The following AMPH variants were observed in gnomAD, a reference collection of about 807,000 sequenced individuals.
The protein encoded by AMPH is amphiphysin, also known as amphiphysin (Stiff-Mann syndrome with breast cancer 128kD autoantigen).
In AMPH, 49 loss-of-function variants were observed where a neutral mutation model predicts 99.1. That is an observed-to-expected ratio of 0.49 (90% CI 0.39 to 0.63). The LOEUF is 0.63. Ranked by LOEUF, AMPH falls within the 20% of genes least tolerant of loss-of-function variation. AMPH has a pLI of 0.00. For missense variants in AMPH, 759 were observed against 863.4 expected, an observed-to-expected ratio of 0.88 and a Z score of 1.52; for synonymous variants, 314 against 317.3, an observed-to-expected ratio of 0.99 and a Z score of 0.11.
chr7:38,573,321 A>G (rs1323869808), intron 1 of AMPH, among the ~76,000 whole-genome samples: 1 of 151,970 alleles, frequency 6.6e-6, no homozygotes, highest in African/African-American at 2.4e-5. Context: ...CTTTTGTATT[A>G]TTGTAAACTG....
At chr7:38,451,371 T>TATATACACAC (rs1787020191) in intron 11 of AMPH, among the ~76,000 whole-genome samples, 1 of 150,014 alleles carries the variant, frequency 6.7e-6, no homozygotes, top group African/African-American at 2.5e-5. Flanking sequence ...TATATATATG[T>TATATACACAC]GTATATACAC....
intron 1 of AMPH, among the ~76,000 whole-genome samples, chr7:38,566,190 A>G (rs1791737061): frequency 6.6e-6 from 1 of 152,224 alleles, no homozygotes; most frequent in Admixed American, 6.5e-5. Context: ...CAAAAACAAT[A>G]GTAATGATTT....
intron 7 of AMPH, among the ~76,000 whole-genome samples, chr7:38,469,153 CAAAAAAAAAAA>C (rs869172352): frequency 3.5e-5 from 1 of 28,884 alleles, no homozygotes; most frequent in Non-Finnish European, 4.9e-5. Flanking sequence ...GACTCCGCCT[CAAAAAAAAAAA>C]AAAAAAAAAA....
intron 5 of AMPH, among the ~76,000 whole-genome samples, chr7:38,480,280 C>G (rs1254139577): frequency 6.6e-6 from 1 of 152,082 alleles, no homozygotes; most frequent in African/African-American, 2.4e-5. Flanking sequence ...TGACCAGCGC[C>G]AGGAGTAGGG....
At chr7:38,451,360 G>GTA (rs57140163) in intron 11 of AMPH, among the ~76,000 whole-genome samples, 3,373 of 140,324 alleles carry the variant, frequency 0.024, 161 homozygotes, top group East Asian at 0.23. Flanking sequence ...TTATATACAC[G>GTA]TATATATATG....
intron 1 of AMPH, among the ~76,000 whole-genome samples, chr7:38,560,751 G>A (rs1317333761): frequency 1.3e-5 from 2 of 152,136 alleles, no homozygotes; most frequent in African/African-American, 4.8e-5. Context: ...CCACTCCTAG[G>A]GTGGTTCCCA....
At chr7:38,607,337 G>A (rs977422383) in intron 1 of AMPH, among the ~76,000 whole-genome samples, 12 of 152,100 alleles carry the variant, frequency 7.9e-5, no homozygotes, top group South Asian at 2.1e-4. Context: ...TTCTTATTAC[G>A]AGCTCCACTT....
At chr7:38,598,251 TTTG>T (rs563678872) in intron 1 of AMPH, among the ~76,000 whole-genome samples, 46 of 152,254 alleles carry the variant, frequency 3.0e-4, no homozygotes, top group South Asian at 8.3e-4. Context: ...CGCAATGTTT[TTTG>T]TTGTTGTTGT....
intron 1 of AMPH, among the ~76,000 whole-genome samples, chr7:38,538,444 G>T (rs779804991): frequency 1.3e-5 from 2 of 152,176 alleles, no homozygotes; most frequent in Admixed American, 6.5e-5. Flanking sequence ...TGGAACTGGA[G>T]TGGACAAGGG....
chr7:38,392,374 GTTCTTTT>G (rs1259438409), intron 18 of AMPH, among the ~76,000 whole-genome samples: 2 of 90,158 alleles, frequency 2.2e-5, no homozygotes, highest in Non-Finnish European at 4.3e-5. Flanking sequence ...GGCCGGCCTG[GTTCTTTT>G]TTTTTTTTTT....
chr7:38,544,238 C>T (rs1316062095), intron 1 of AMPH, among the ~76,000 whole-genome samples: 1 of 152,130 alleles, frequency 6.6e-6, no homozygotes, highest in African/African-American at 2.4e-5. Flanking sequence ...TGTATTAATT[C>T]AAATACCCTA....
At chr7:38,475,807 G>C (rs1266984860) in intron 6 of AMPH, among the ~76,000 whole-genome samples, 1 of 152,198 alleles carries the variant, frequency 6.6e-6, no homozygotes, top group Non-Finnish European at 1.5e-5. Context: ...ATGTGTTATA[G>C]AGCATGCTAT....
chr7:38,475,182 G>A (rs1480510962), intron 7 of AMPH, 149 bp downstream of exon 7: 1 of 552,422 alleles, frequency 1.8e-6, no homozygotes, highest in Non-Finnish European at 3.2e-6. Flanking sequence ...CTGGTGACAA[G>A]TAGCTACCAT....
chr7:38,459,811 G>A lies in AMPH; in HGVS notation c.1017+1472C>T, dbSNP rs1217156074. Reference sequence around the variant, plus strand: ...AAATTGCATGGGTAAGACCTCAAAAGCACAGATAACTATAATAATAATAGA... The same window carrying A: ...AAATTGCATGGGTAAGACCTCAAAAACACAGATAACTATAATAATAATAGA... On this transcript the variant is annotated intron_variant, in intron 11 of 20. Coordinates refer to ENST00000356264, the MANE Select transcript of AMPH (RefSeq NM_001635.4). Among the ~76,000 whole-genome samples, 3 of 151,760 alleles carry A rather than the reference G, an allele frequency of 2.0e-5. No individual in the cohort carries two copies. In the East Asian group the frequency reaches 5.8e-4, roughly 29 times the overall value.
At chr7:38,458,559 T>C (rs539911284) in intron 11 of AMPH, among the ~76,000 whole-genome samples, 26 of 152,318 alleles carry the variant, frequency 1.7e-4, no homozygotes, top group South Asian at 8.3e-4. Context: ...GTTTAACTTA[T>C]GCAAAACAAT....
chr7:38,629,527 G>A (rs1794381139), intron 1 of AMPH, among the ~76,000 whole-genome samples: 1 of 152,150 alleles, frequency 6.6e-6, no homozygotes, highest in Non-Finnish European at 1.5e-5. Flanking sequence ...GGACTTGAAT[G>A]CTCCGTAAGA....
At chr7:38,385,169 AGC>A (rs1195181915) in intron 20 of AMPH, among the ~76,000 whole-genome samples, 2 of 152,190 alleles carry the variant, frequency 1.3e-5, no homozygotes, top group African/African-American at 2.4e-5. Flanking sequence ...TATAAAGTAT[AGC>A]TAATGCTTTG....
intron 1 of AMPH, among the ~76,000 whole-genome samples, chr7:38,610,332 A>AGAG (rs1562860482): frequency 3.2e-5 from 1 of 31,256 alleles, no homozygotes; most frequent in Non-Finnish European, 6.5e-5. Flanking sequence ...AAAAGAAAAG[A>AGAG]AAAAAGAAAA....
intron 11 of AMPH, among the ~76,000 whole-genome samples, chr7:38,450,994 GA>G (rs1786990907): frequency 6.6e-6 from 1 of 151,350 alleles, no homozygotes; most frequent in South Asian, 2.1e-4. Context: ...GGGCTCAAGA[GA>G]TCCACCTGCC....
Sources: gnomAD v4.1 joint callset for allele counts (sites outside exome capture counted in the v4.1 genomes callset) on GRCh38, gnomAD v4.1.1 for gene constraint, MANE v1.5 for transcripts, NCBI Gene and HGNC (gene_info 2026-07-23, HGNC 2026-07-21) for gene names.